TRAPPC3L: variants seen among roughly 807,000 people sequenced by gnomAD.
TRAPPC3L encodes the protein trafficking protein particle complex subunit 3L.
Under a neutral mutation model 23.7 loss-of-function variants are expected in TRAPPC3L, and 23 were observed. That is an observed-to-expected ratio of 0.97 (90% CI 0.70 to 1.37). TRAPPC3L has a LOEUF of 1.37. Ranked by LOEUF, TRAPPC3L falls within the 40% of genes most tolerant of loss-of-function variation. The pLI is 0.00. For synonymous variants in TRAPPC3L, 81 were observed against 77.9 expected, an observed-to-expected ratio of 1.04 and a Z score of -0.21; for missense variants, 212 against 216.8, an observed-to-expected ratio of 0.98 and a Z score of 0.14.
chr6:116,524,956 A>G (rs1190047706), intron 3 of TRAPPC3L, among the ~76,000 whole-genome samples: 1 of 152,158 alleles, frequency 6.6e-6, no homozygotes, highest in African/African-American at 2.4e-5. Flanking sequence ...GCATACTGGG[A>G]GGCAGGTATT....
chr6:116,544,443 T>C (rs1773653172), intron 1 of TRAPPC3L, among the ~76,000 whole-genome samples: 1 of 152,104 alleles, frequency 6.6e-6, no homozygotes, highest in Non-Finnish European at 1.5e-5. Context: ...GGCCAAGGAC[T>C]GTACCTTGAA....
rs1020171473 is a variant in TRAPPC3L at position 116,524,254 on chromosome 6, G to A, written c.240+16109C>T. The A allele has an allele frequency of 6.6e-5, 10 of 152,206 alleles. No homozygotes were observed. In the East Asian group the frequency reaches 7.7e-4, roughly 12 times the overall value. 9.4% of individuals were successfully genotyped at this position (152,206 alleles called of 1,614,324 possible). On this transcript the variant is annotated intron_variant, in intron 3 of 4. Coordinates refer to ENST00000368602, the MANE Select transcript of TRAPPC3L (RefSeq NM_001139444.3). ...TATTGAAGCTGGATGGTAGGTACAC[G>A]GAATTCATTACATTATTCTCTTTAC...
intron 1 of TRAPPC3L, among the ~76,000 whole-genome samples, chr6:116,544,233 A>C (rs750375942): frequency 1.3e-4 from 20 of 151,966 alleles, no homozygotes; most frequent in Admixed American, 1.3e-4. Flanking sequence ...TGAAAAAGAG[A>C]AAAGTAGAAA....
chr6:116,517,795 GT>G (rs1772256598), intron 3 of TRAPPC3L: 2 of 152,150 alleles, frequency 1.3e-5, no homozygotes, highest in South Asian at 4.1e-4. Context: ...TGTTTAGAGG[GT>G]TGGAACTTTC....
chr6:116,511,798 T>C, intron 3 of TRAPPC3L: 1 of 1,614,032 alleles, frequency 6.2e-7, no homozygotes, highest in Non-Finnish European at 8.5e-7. Flanking sequence ...AGCGTCTCTT[T>C]TCTGTTGTGG....
At chr6:116,505,551 G>T (rs1344443038) in intron 3 of TRAPPC3L, among the ~76,000 whole-genome samples, 2 of 152,086 alleles carry the variant, frequency 1.3e-5, no homozygotes, top group African/African-American at 4.8e-5. Flanking sequence ...AAAAGAGCCC[G>T]CATTGCCAAG....
At chr6:116,511,724 T>C in intron 3 of TRAPPC3L, 1 of 1,613,728 alleles carries the variant, frequency 6.2e-7, no homozygotes, top group Non-Finnish European at 8.5e-7. Context: ...CATTTTAAAA[T>C]TCTTCCTTAA....
chr6:116,505,007 G>T (rs1309798234), intron 3 of TRAPPC3L, among the ~76,000 whole-genome samples: 1 of 152,216 alleles, frequency 6.6e-6, no homozygotes, highest in Admixed American at 6.5e-5. Flanking sequence ...AGTATTGGAA[G>T]TTCTGGCCAG....
intron 3 of TRAPPC3L, among the ~76,000 whole-genome samples, chr6:116,535,867 T>G (rs1487227004): frequency 2.0e-5 from 3 of 152,210 alleles, no homozygotes; most frequent in Non-Finnish European, 2.9e-5. Flanking sequence ...CTAAGCTGGC[T>G]TTTCTTACTA....
intron 3 of TRAPPC3L, chr6:116,515,938 T>C (rs775555679): frequency 1.2e-6 from 2 of 1,612,510 alleles, no homozygotes; most frequent in South Asian, 1.1e-5. Context: ...AACTTAGCCC[T>C]GAGGATGATG....
chr6:116,504,145 A>G (rs1771966256), intron 3 of TRAPPC3L, among the ~76,000 whole-genome samples: 1 of 152,196 alleles, frequency 6.6e-6, no homozygotes, highest in Non-Finnish European at 1.5e-5. Flanking sequence ...CGACTAATAA[A>G]GAAGAAAAGA....
intron 3 of TRAPPC3L, among the ~76,000 whole-genome samples, chr6:116,525,856 T>C (rs755714157): frequency 2.0e-5 from 3 of 152,220 alleles, no homozygotes; most frequent in Non-Finnish European, 2.9e-5. Flanking sequence ...ATTCTGTGCC[T>C]ATATTTTATC....
At chr6:116,519,998 C>G (rs1015508165) in intron 3 of TRAPPC3L, 5 of 152,148 alleles carry the variant, frequency 3.3e-5, no homozygotes, top group African/African-American at 4.8e-5. Flanking sequence ...AGACAAATCA[C>G]TACATAATTC....
At chr6:116,542,035 T>C (rs1773495669) in intron 2 of TRAPPC3L, among the ~76,000 whole-genome samples, 1 of 152,210 alleles carries the variant, frequency 6.6e-6, no homozygotes. Context: ...CCAAAGGTAT[T>C]TTTGTAGTCA....
intron 3 of TRAPPC3L, among the ~76,000 whole-genome samples, chr6:116,507,626 AC>A (rs1025155178): frequency 6.6e-6 from 1 of 152,078 alleles, no homozygotes; most frequent in African/African-American, 2.4e-5. Context: ...CATAATATAT[AC>A]GGGTTTGGTA....
In TRAPPC3L at chr6:116,495,018, G is replaced by T. The variant is rs1489296676; in HGVS notation, c.*1936C>A. ...ACAGGGGTCTATGTTACCCAAGCTG[G>T]TCTCAAACTCCTGAGCTCAAGCAAT... is the stretch of plus-strand genomic sequence containing the variant. On this transcript the variant is annotated 3_prime_UTR_variant, in exon 5 of 5. Coordinates refer to ENST00000368602, the MANE Select transcript of TRAPPC3L (RefSeq NM_001139444.3). 8.5e-6 allele frequency: 1 copy of T among 117,646 alleles called. No individual in the cohort carries two copies. Among genetic ancestry groups the T allele is most frequent in the Non-Finnish European group, 1.7e-5 (1 of 60,602 alleles). 7.3% of individuals were successfully genotyped at this position (117,646 alleles called of 1,614,324 possible).
chr6:116,508,953 G>A (rs1772055514), intron 3 of TRAPPC3L, among the ~76,000 whole-genome samples: 1 of 151,950 alleles, frequency 6.6e-6, no homozygotes, highest in Non-Finnish European at 1.5e-5. Flanking sequence ...TCCTCCAAAA[G>A]ACTACTAGAT....
At chr6:116,526,986 T>G (rs1772448353) in intron 3 of TRAPPC3L, among the ~76,000 whole-genome samples, 1 of 152,168 alleles carries the variant, frequency 6.6e-6, no homozygotes. Flanking sequence ...TTCCTGCTGT[T>G]TCTTAAAGGC....
intron 3 of TRAPPC3L, among the ~76,000 whole-genome samples, chr6:116,538,813 C>T (rs975319777): frequency 1.3e-5 from 2 of 151,502 alleles, no homozygotes; most frequent in African/African-American, 4.9e-5. Context: ...CTCACTGTAA[C>T]CTTCACCTCC....
Sources: gnomAD v4.1 joint callset for allele counts (sites outside exome capture counted in the v4.1 genomes callset) on GRCh38, gnomAD v4.1.1 for gene constraint, MANE v1.5 for transcripts, NCBI Gene and HGNC (gene_info 2026-07-23, HGNC 2026-07-21) for gene names.